Variants in CTNNBL1 observed in about 807,000 individuals in gnomAD.
The protein encoded by CTNNBL1 is catenin beta like 1.
A neutral mutation model predicts 72.7 loss-of-function variants in CTNNBL1; 31 were observed. The observed-to-expected ratio is 0.43, with a 90% CI of 0.32 to 0.58. The LOEUF (loss-of-function observed/expected upper bound fraction) is 0.58. CTNNBL1 is among the 20% of genes least tolerant of loss of function. CTNNBL1 has a pLI of 0.08. For missense variants in CTNNBL1, 534 were observed against 725.1 expected (o/e 0.74, Z 3.03); for synonymous variants, 240 against 267.3 (o/e 0.90, Z 1.00).
chr20:37,756,664 G>A (rs748640910), intron 4 of CTNNBL1, among the ~76,000 whole-genome samples: 1 of 137,744 alleles, frequency 7.3e-6, no homozygotes, highest in Non-Finnish European at 1.5e-5. Context: ...TTGAGACAGG[G>A]TCTCACTCTG....
At chr20:37,756,804 A>AT (rs1202384708) in intron 4 of CTNNBL1, among the ~76,000 whole-genome samples, 292 of 142,724 alleles carry the variant, frequency 2.0e-3, no homozygotes, top group African/African-American at 5.2e-3. Flanking sequence ...TGCCTGGCTG[A>AT]TTTTTTTTTT....
At chr20:37,773,077 G>A (rs182795171) in intron 7 of CTNNBL1, among the ~76,000 whole-genome samples, 142 of 152,302 alleles carry the variant, frequency 9.3e-4, no homozygotes, top group South Asian at 6.2e-4. Flanking sequence ...GAAAATAACA[G>A]CAAAACCAAG....
At chr20:37,734,305 G>A (rs929027568) in intron 2 of CTNNBL1, among the ~76,000 whole-genome samples, 4 of 152,334 alleles carry the variant, frequency 2.6e-5, no homozygotes, top group African/African-American at 9.6e-5. Context: ...GAAATACGTG[G>A]TGGGAGACAG....
intron 3 of CTNNBL1, among the ~76,000 whole-genome samples, chr20:37,738,205 T>C (rs1281983312): frequency 6.6e-6 from 1 of 152,262 alleles, no homozygotes; most frequent in Non-Finnish European, 1.5e-5. Flanking sequence ...TAGACAGATA[T>C]TGGTGTGATA....
At chr20:37,734,459 G>T (rs2073155525) in intron 2 of CTNNBL1, among the ~76,000 whole-genome samples, 1 of 152,198 alleles carries the variant, frequency 6.6e-6, no homozygotes, top group Non-Finnish European at 1.5e-5. Context: ...TAATTGGCAG[G>T]TATAATTCCC....
chr20:37,695,146 A>G (rs563843628), intron 1 of CTNNBL1: 1 of 151,438 alleles, frequency 6.6e-6, no homozygotes, highest in South Asian at 2.1e-4. Context: ...GGTCATATTG[A>G]TTAAATGATC....
intron 10 of CTNNBL1, among the ~76,000 whole-genome samples, chr20:37,790,244 G>A (rs1362511952): frequency 1.3e-5 from 2 of 152,192 alleles, no homozygotes; most frequent in Non-Finnish European, 2.9e-5. Context: ...TTATTCCCTT[G>A]TTCTTTTCCT....
intron 13 of CTNNBL1, among the ~76,000 whole-genome samples, chr20:37,855,978 T>C (rs1395203592): frequency 6.6e-6 from 1 of 152,146 alleles, no homozygotes; most frequent in Non-Finnish European, 1.5e-5. Flanking sequence ...GCCTCATGCC[T>C]GTAATCCCAG....
At chr20:37,827,782 G>A (rs7273171) in intron 11 of CTNNBL1, among the ~76,000 whole-genome samples, 1,977 of 152,228 alleles carry the variant, frequency 0.013, 46 homozygotes, top group African/African-American at 0.045. Flanking sequence ...TTTGTGGAAC[G>A]TAGACCTGGT....
chr20:37,787,902 T>C (rs2073693007), intron 10 of CTNNBL1, among the ~76,000 whole-genome samples: 2 of 152,236 alleles, frequency 1.3e-5, no homozygotes, highest in African/African-American at 4.8e-5. Context: ...CTATGAACGT[T>C]TGAAATTGTT....
intron 11 of CTNNBL1, among the ~76,000 whole-genome samples, chr20:37,827,575 C>T (rs1180806521): frequency 6.6e-6 from 1 of 152,220 alleles, no homozygotes; most frequent in Non-Finnish European, 1.5e-5. Flanking sequence ...GCAGACTTCC[C>T]TTTTTCCCCT....
intron 11 of CTNNBL1, among the ~76,000 whole-genome samples, chr20:37,830,900 A>G (rs1187417022): frequency 1.3e-5 from 2 of 152,224 alleles, no homozygotes; most frequent in Non-Finnish European, 2.9e-5. Context: ...TGGGTACTTG[A>G]TGTACGGTTT....
Position 37,741,032 on chromosome 20 carries a change from A to C in CTNNBL1, c.326+3548A>C, listed in dbSNP as rs115559509. Among the ~76,000 whole-genome samples the C allele has an allele frequency of 9.7e-3, 1,480 of 152,178 alleles. 28 individuals carry two copies. Among genetic ancestry groups the C allele is most frequent in the African/African-American group, 0.034 (1,416 of 41,506 alleles). ...CTTTGCTGGTCATTTGCTGATATTC[A>C]CCCTTGTGGTTGAAGGAGAATATCC... On this transcript the variant is annotated intron_variant, in intron 3 of 15. Transcript: ENST00000361383.
intron 11 of CTNNBL1, among the ~76,000 whole-genome samples, chr20:37,826,771 T>C (rs1351044660): frequency 3.3e-5 from 5 of 152,236 alleles, no homozygotes; most frequent in Admixed American, 1.3e-4. Flanking sequence ...TCCATCCATG[T>C]TATTTTTGAT....
intron 4 of CTNNBL1, among the ~76,000 whole-genome samples, chr20:37,755,446 G>A (rs2073355607): frequency 1.3e-5 from 2 of 152,134 alleles, no homozygotes; most frequent in Non-Finnish European, 2.9e-5. Context: ...TTATTTTTTA[G>A]ATGAAGATGC....
intron 1 of CTNNBL1, among the ~76,000 whole-genome samples, chr20:37,702,799 T>TA (rs1764778515): frequency 5.9e-5 from 9 of 152,210 alleles, no homozygotes; most frequent in Admixed American, 5.9e-4. Context: ...ACTGTAGACT[T>TA]AGAGGCAAGG....
At chr20:37,765,735 T>G (rs1402594517) in intron 6 of CTNNBL1, among the ~76,000 whole-genome samples, 1 of 152,234 alleles carries the variant, frequency 6.6e-6, no homozygotes, top group Admixed American at 6.5e-5. Context: ...AAAAGAGTTT[T>G]TCTCTCTCTT....
chr20:37,718,407 G>A (rs537758897), intron 1 of CTNNBL1, among the ~76,000 whole-genome samples: 14 of 140,922 alleles, frequency 9.9e-5, no homozygotes, highest in African/African-American at 2.5e-4. Context: ...CTGGCCGGGC[G>A]GGGGGCTGAC....
chr20:37,757,546 T>G lies in CTNNBL1; in HGVS notation c.467-13T>G, dbSNP rs763745927. ...CGTTTCAGTATGTGTGTTATACCCT[T>G]AACATTTTTCACATGTGTCCATAGC... On this transcript the variant is annotated splice_polypyrimidine_tract_variant and intron_variant, in intron 4 of 15. Transcript: ENST00000361383. The G allele has an allele frequency of 6.3e-7, 1 of 1,599,686 alleles. No homozygotes were observed. The highest frequency in any genetic ancestry group is 1.3e-5 in the African/African-American group (1 of 74,654).
Sources: allele counts gnomAD v4.1 joint callset (sites outside exome capture counted in the v4.1 genomes callset), GRCh38; gene constraint gnomAD v4.1.1; transcripts MANE v1.5; gene names NCBI Gene and HGNC (gene_info 2026-07-23, HGNC 2026-07-21).